Variants in P2RY8 observed in about 807,000 individuals in gnomAD.
P2RY8 encodes P2Y receptor family member 8.
In P2RY8, 6 loss-of-function variants were observed where a neutral mutation model predicts 10.0. The observed-to-expected ratio is 0.60, with a 90% confidence interval of 0.33 to 1.19. P2RY8 has a LOEUF of 1.19. Among genes scored for constraint, P2RY8 ranks in the 50% most tolerant of loss-of-function variants. P2RY8 has a pLI of 0.04. For synonymous variants in P2RY8, 276 were observed against 252.5 expected (o/e 1.09, Z -0.88); for missense variants, 456 against 542.0 (o/e 0.84, Z 1.58).
intron 1 of P2RY8, among the ~76,000 whole-genome samples, chrX:1,516,333 TG>T (rs1818068488): frequency 6.6e-6 from 1 of 151,928 alleles, no homozygotes; most frequent in African/African-American, 2.4e-5. Flanking sequence ...AACAACCCTG[TG>T]GGGACACAGG....
intron 1 of P2RY8, among the ~76,000 whole-genome samples, chrX:1,526,723 A>G (rs1325463845): frequency 2.2e-4 from 34 of 152,006 alleles, no homozygotes; most frequent in African/African-American, 7.2e-4. Flanking sequence ...CTATCCATCT[A>G]TACAGCCATC....
At chrX:1,488,220 G>A (rs1456940538) in intron 1 of P2RY8, among the ~76,000 whole-genome samples, 6 of 152,138 alleles carry the variant, frequency 3.9e-5, no homozygotes, top group Non-Finnish European at 8.8e-5. Context: ...TCCTGGAGAG[G>A]CAGAACGAGC....
chrX:1,467,346 C>T (rs35299448), intron 1 of P2RY8, among the ~76,000 whole-genome samples: 20,685 of 152,088 alleles, frequency 0.14, 1,513 homozygotes, highest in African/African-American at 0.17. Context: ...CTCAAGCTGG[C>T]TTTAAAATGG....
chrX:1,497,427 G>A (rs2092128284), intron 1 of P2RY8, among the ~76,000 whole-genome samples: 1 of 151,784 alleles, frequency 6.6e-6, no homozygotes, highest in African/African-American at 2.4e-5. Context: ...GGAGGCCGAG[G>A]TGGGCAGATC....
intron 1 of P2RY8, among the ~76,000 whole-genome samples, chrX:1,531,029 G>A (rs1480750157): frequency 6.6e-6 from 1 of 150,790 alleles, no homozygotes; most frequent in South Asian, 2.1e-4. Context: ...TCTATTCTAT[G>A]TATCTATTTA....
At chrX:1,473,305 T>C (rs1683840106) in intron 1 of P2RY8, among the ~76,000 whole-genome samples, 1 of 137,840 alleles carries the variant, frequency 7.3e-6, no homozygotes, top group South Asian at 2.3e-4. Context: ...GGATGGATGA[T>C]GAATGGATGG....
intron 1 of P2RY8, among the ~76,000 whole-genome samples, chrX:1,534,047 T>G (rs2092504036): frequency 7.8e-6 from 1 of 128,680 alleles, no homozygotes. Context: ...CTATTTATTA[T>G]TTACATATAT....
intron 1 of P2RY8, among the ~76,000 whole-genome samples, chrX:1,530,285 C>A (rs1170551364): frequency 2.0e-5 from 3 of 149,544 alleles, no homozygotes; most frequent in Non-Finnish European, 4.5e-5. Context: ...ATCTATCTAT[C>A]TATCTATCTA....
rs1373910732 is a variant in P2RY8 at position 1,509,688 on chromosome X, C to T, written c.-25+27233G>A. ...TGTGTTCATCCATCCATCCATCCATCCATCCATCCATCCATCCATTTATTC... is the reference window on the plus strand; with the variant it reads ...TGTGTTCATCCATCCATCCATCCATTCATCCATCCATCCATCCATTTATTC... On this transcript the variant is annotated intron_variant, in intron 1 of 1. Transcript: ENST00000381297. Among the ~76,000 whole-genome samples, 10 of 142,478 alleles carry T rather than the reference C, an allele frequency of 7.0e-5. 1 individual carries two copies. The highest frequency in any genetic ancestry group is 2.5e-4 in the African/African-American group (9 of 35,800). The allele number at this position is 142,478 out of a possible 152,430, so 93.5% of individuals were successfully genotyped here. A position where few individuals can be genotyped will look rare whatever the true frequency, so the allele number is the denominator to read the frequency against.
intron 1 of P2RY8, among the ~76,000 whole-genome samples, chrX:1,500,638 T>C (rs1385307968): frequency 6.6e-6 from 1 of 151,746 alleles, no homozygotes; most frequent in Non-Finnish European, 1.5e-5. Context: ...AGAGACGGGG[T>C]TTCTACTAAA....
intron 1 of P2RY8, among the ~76,000 whole-genome samples, chrX:1,524,637 C>CCATA (rs1569538711): frequency 1.7e-4 from 7 of 42,406 alleles, no homozygotes; most frequent in Admixed American, 2.4e-4. Context: ...ATCCATCCAT[C>CCATA]CATCCATACA....
intron 1 of P2RY8, among the ~76,000 whole-genome samples, chrX:1,511,924 G>GC (rs2092299939): frequency 6.6e-6 from 1 of 152,170 alleles, no homozygotes; most frequent in Non-Finnish European, 1.5e-5. Context: ...CAATGGCCAG[G>GC]TGTGTCCTTC....
intron 1 of P2RY8, among the ~76,000 whole-genome samples, chrX:1,513,264 C>G (rs1405295422): frequency 2.0e-5 from 3 of 150,252 alleles, no homozygotes; most frequent in African/African-American, 2.5e-5. Flanking sequence ...TTTATCCAGT[C>G]TATCATTGAT....
At chrX:1,489,338 G>C (rs764953525) in intron 1 of P2RY8, among the ~76,000 whole-genome samples, 2 of 152,092 alleles carry the variant, frequency 1.3e-5, no homozygotes, top group East Asian at 3.9e-4. Context: ...CAACAGTGGA[G>C]AGAATGAATG....
chrX:1,528,026 T>C (rs778915172), intron 1 of P2RY8, among the ~76,000 whole-genome samples: 2 of 152,312 alleles, frequency 1.3e-5, no homozygotes, highest in South Asian at 4.1e-4. Context: ...TCTGTCCCTG[T>C]CCTGAGTGCA....
At chrX:1,478,473 T>TTTTA (rs751712698) in intron 1 of P2RY8, among the ~76,000 whole-genome samples, 55 of 151,996 alleles carry the variant, frequency 3.6e-4, no homozygotes, top group Admixed American at 8.5e-4. Flanking sequence ...CACAGGTATC[T>TTTTA]TTTATTTATT....
At chrX:1,527,739 A>G (rs2092448755) in intron 1 of P2RY8, among the ~76,000 whole-genome samples, 1 of 152,082 alleles carries the variant, frequency 6.6e-6, no homozygotes, top group South Asian at 2.1e-4. Flanking sequence ...CCATTCATCC[A>G]TTCATCCACT....
chrX:1,498,323 G>T (rs369283339), intron 1 of P2RY8, among the ~76,000 whole-genome samples: 2 of 146,920 alleles, frequency 1.4e-5, no homozygotes, highest in Non-Finnish European at 3.0e-5. Context: ...GGAGAATGGC[G>T]TGAACCTGGG....
Position 1,479,255 on chromosome X carries a change from C to T in P2RY8, c.-24-12673G>A, listed in dbSNP as rs149031115. 3.6e-3 allele frequency among the ~76,000 whole-genome samples: 541 copies of T among 152,352 alleles called. 2 individuals carry two copies. Among genetic ancestry groups the T allele is most frequent in the African/African-American group, 0.013 (526 of 41,570 alleles). On this transcript the variant is annotated intron_variant, in intron 1 of 1. Coordinates refer to ENST00000381297, the MANE Select transcript of P2RY8 (RefSeq NM_178129.5). The stretch of plus-strand genomic sequence containing the variant: ...TCATACACAGGTAAGTTTTATTTTG[C>T]ATAGTAGGACATACACCCGTCACCA...
Sources: allele counts gnomAD v4.1 joint callset (sites outside exome capture counted in the v4.1 genomes callset), GRCh38; gene constraint gnomAD v4.1.1; transcripts MANE v1.5; gene names NCBI Gene and HGNC (gene_info 2026-07-23, HGNC 2026-07-21).